Variants in ADGRA3 observed in about 807,000 individuals in gnomAD.
ADGRA3 encodes G-protein coupled receptor 125.
In ADGRA3, 56 loss-of-function variants were observed where a neutral mutation model predicts 119.8. The observed-to-expected ratio is 0.47, with a 90% CI of 0.38 to 0.58. ADGRA3 has a LOEUF of 0.58. ADGRA3 is among the 20% of genes least tolerant of loss of function. ADGRA3 has a pLI of 0.00. For synonymous variants in ADGRA3, 607 were observed against 623.8 expected (o/e 0.97, Z 0.40); for missense variants, 1,516 against 1,649.0 (o/e 0.92, Z 1.40).
intron 4 of ADGRA3, among the ~76,000 whole-genome samples, chr4:22,449,481 G>A (rs1166336695): frequency 3.9e-5 from 6 of 152,174 alleles, no homozygotes; most frequent in Middle Eastern, 3.4e-3. Flanking sequence ...AATTGTCTCC[G>A]ATTTTCTTTA....
chr4:22,472,537 G>GTATA (rs576060828), intron 2 of ADGRA3, among the ~76,000 whole-genome samples: 5 of 150,888 alleles, frequency 3.3e-5, no homozygotes, highest in South Asian at 2.1e-4. Context: ...GTGTGTTTCT[G>GTATA]TATATATATA....
intron 5 of ADGRA3, among the ~76,000 whole-genome samples, chr4:22,447,054 A>T (rs1428474073): frequency 7.2e-5 from 11 of 151,970 alleles, no homozygotes; most frequent in Non-Finnish European, 5.9e-5. Flanking sequence ...GGGGGTTTAC[A>T]GGATAAAATT....
chr4:22,442,119 G>GT (rs1716637913), intron 7 of ADGRA3, among the ~76,000 whole-genome samples: 1 of 152,032 alleles, frequency 6.6e-6, no homozygotes, highest in African/African-American at 2.4e-5. Context: ...AAAATATCTG[G>GT]TAAGTGATAA....
At chr4:22,513,310 C>T (rs369678045) in intron 1 of ADGRA3, among the ~76,000 whole-genome samples, 1 of 151,812 alleles carries the variant, frequency 6.6e-6, no homozygotes, top group African/African-American at 2.4e-5. Context: ...CACGCCACCA[C>T]GCCCAGCTAA....
chr4:22,515,678 GCGCCGCCGC>G lies in ADGRA3; in HGVS notation c.98_106del (p.Gly33_Gly35del), dbSNP rs769005255. 3.1e-4 allele frequency: 351 copies of G among 1,140,568 alleles called. 7 individuals carry two copies. Among genetic ancestry groups the G allele is most frequent in the African/African-American group, 3.0e-3 (183 of 60,360 alleles). The allele number at this position is 1,140,568 out of a possible 1,614,324, so 70.7% of individuals were successfully genotyped here. ...CTTGCAGCCGGCGGGCAGCGCCGCG[GCGCCGCCGC>G]CGCCGCCGCCTCCCAGCAGCGCGAG... On this transcript the variant is annotated inframe_deletion, in exon 1 of 19. Transcript: ENST00000334304.
intron 3 of ADGRA3, among the ~76,000 whole-genome samples, chr4:22,458,884 C>T (rs1264074795): frequency 6.6e-6 from 1 of 152,098 alleles, no homozygotes; most frequent in African/African-American, 2.4e-5. Flanking sequence ...GCAAGATCTC[C>T]TCCAGATGGC....
At chr4:22,475,509 T>C (rs1028907375) in intron 1 of ADGRA3, among the ~76,000 whole-genome samples, 2 of 152,074 alleles carry the variant, frequency 1.3e-5, no homozygotes, top group Non-Finnish European at 2.9e-5. Flanking sequence ...GGGTGGATTA[T>C]GAGGTCAGGA....
chr4:22,398,188 C>T, intron 16 of ADGRA3: 1 of 932,362 alleles, frequency 1.1e-6, no homozygotes, highest in Non-Finnish European at 1.3e-6. Flanking sequence ...ATCAATAATA[C>T]TAATATAATA....
At chr4:22,473,933 T>G (rs1717947916) in intron 1 of ADGRA3, 90 bp from the exon 2 acceptor site, 1 of 694,082 alleles carries the variant, frequency 1.4e-6, no homozygotes, top group African/African-American at 1.8e-5. Context: ...CTATGAGAAA[T>G]TCTAAGACAT....
intron 1 of ADGRA3, among the ~76,000 whole-genome samples, chr4:22,513,357 T>C (rs1407002730): frequency 1.3e-5 from 2 of 151,844 alleles, no homozygotes; most frequent in Non-Finnish European, 2.9e-5. Context: ...GCTTTAAGCA[T>C]GTTGGCCAGG....
At chr4:22,509,522 GA>G (rs58633107) in intron 1 of ADGRA3, among the ~76,000 whole-genome samples, 104 of 132,742 alleles carry the variant, frequency 7.8e-4, no homozygotes, top group Middle Eastern at 4.2e-3. Flanking sequence ...GAAAAGAAAA[GA>G]AAAAAAAAAA....
intron 16 of ADGRA3, among the ~76,000 whole-genome samples, chr4:22,396,557 A>C (rs1486849744): frequency 6.6e-6 from 1 of 152,048 alleles, no homozygotes; most frequent in African/African-American, 2.4e-5. Context: ...CAAAATTAGA[A>C]CCCAGCTACT....
intron 12 of ADGRA3, 22 bp downstream of exon 12, chr4:22,420,860 TTAAA>T (rs781553317): frequency 6.3e-7 from 1 of 1,597,522 alleles, no homozygotes; most frequent in African/African-American, 1.3e-5. Context: ...GTAAATAGTC[TTAAA>T]TGATTGCAGA....
Position 22,388,292 on chromosome 4 carries a change from C to T in ADGRA3, c.3379G>A (p.Ala1127Thr). 2.5e-6 allele frequency: 4 copies of T among 1,614,062 alleles called. No homozygotes were observed. In the South Asian group the frequency reaches 3.3e-5, roughly 13 times the overall value. Reference sequence around the variant, plus strand: ...GTGGAGTTCAAAGGTAAAGAATTGGCATGGCACTGAGCTGCAGCCGCCTGC... The same window carrying T: ...GTGGAGTTCAAAGGTAAAGAATTGGTATGGCACTGAGCTGCAGCCGCCTGC... The part of the protein sequence containing the change: ...NLQAAAAQCH[A>T]NSLPLNSTPQ... The change falls in exon 19 of 19, where the codon GCC becomes ACC. Residue 1127 changes from alanine to threonine, a missense_variant. By Grantham distance (58) the Ala-to-Thr change is moderately conservative. Transcript: ENST00000334304.
intron 16 of ADGRA3, 125 bp downstream of exon 16, chr4:22,401,306 C>A: frequency 2.5e-6 from 2 of 804,406 alleles, no homozygotes; most frequent in Non-Finnish European, 1.8e-6. Flanking sequence ...AAGTGACAGA[C>A]AATAAATTTA....
chr4:22,391,837 T>C (rs553401805), intron 17 of ADGRA3, among the ~76,000 whole-genome samples: 4 of 152,274 alleles, frequency 2.6e-5, no homozygotes, highest in African/African-American at 9.6e-5. Flanking sequence ...ATGATCACAG[T>C]AAAGTTCACG....
At chr4:22,435,030 G>A (rs1286063050) in intron 10 of ADGRA3, among the ~76,000 whole-genome samples, 1 of 152,162 alleles carries the variant, frequency 6.6e-6, no homozygotes, top group African/African-American at 2.4e-5. Context: ...AAGCCACAAC[G>A]TGGAGGCAGA....
At chr4:22,462,940 G>A (rs1308133172) in intron 2 of ADGRA3, among the ~76,000 whole-genome samples, 2 of 152,148 alleles carry the variant, frequency 1.3e-5, no homozygotes, top group African/African-American at 4.8e-5. Context: ...CCTCTGTGGA[G>A]AGCTGACAGT....
chr4:22,406,303 C>T (rs1349597573), intron 14 of ADGRA3, among the ~76,000 whole-genome samples: 1 of 152,150 alleles, frequency 6.6e-6, no homozygotes, highest in Non-Finnish European at 1.5e-5. Context: ...GGTATCTCTT[C>T]AATATACTGA....
Sources: allele counts gnomAD v4.1 joint callset (sites outside exome capture counted in the v4.1 genomes callset), GRCh38; gene constraint gnomAD v4.1.1; transcripts MANE v1.5; gene names NCBI Gene and HGNC (gene_info 2026-07-23, HGNC 2026-07-21).